Variants in ZFX observed in about 807,000 individuals in gnomAD.
ZFX encodes the protein zinc finger X-chromosomal protein.
For synonymous variants in ZFX, 196 were observed against 226.8 expected, an observed-to-expected ratio of 0.86 and a Z score of 1.22; for missense variants, 362 against 628.3, an observed-to-expected ratio of 0.58 and a Z score of 4.53.
chrX:24,167,052 A>G (rs116716466), intron 3 of ZFX, among the ~76,000 whole-genome samples: 2,230 of 111,950 alleles, frequency 0.02, 52 homozygotes, highest in African/African-American at 0.069. Context: ...GGTGCCCGCA[A>G]TGGTTTTCCT....
chrX:24,174,761 TA>T (rs1934979098), intron 4 of ZFX, among the ~76,000 whole-genome samples: 1 of 110,890 alleles, frequency 9.0e-6, no homozygotes, highest in Non-Finnish European at 1.9e-5. Context: ...TTGCCTGGGC[TA>T]GAGTACGGTG....
At position 24,211,271 on chromosome X, in the gene ZFX, G is replaced by C. The variant is rs150173584; in HGVS notation, c.2313G>C (p.Thr771=). The change falls in exon 10 of 10, where the codon ACG becomes ACC. Residue 771 remains threonine (T), a synonymous_variant. Coordinates refer to ENST00000304543, the MANE Select transcript of ZFX (RefSeq NM_003410.4). The part of the protein sequence containing the change: ...GFKRHVISIH[T]KDYPHRCEYC... Reference sequence around the variant, plus strand: ...AACGGCACGTTATTTCCATTCACACGAAAGACTATCCTCACCGGTGTGAGT... The same window carrying C: ...AACGGCACGTTATTTCCATTCACACCAAAGACTATCCTCACCGGTGTGAGT... 18 of 1,210,508 alleles carry C rather than the reference G, an allele frequency of 1.5e-5. No individual in the cohort carries two copies. The highest frequency in any genetic ancestry group is 4.5e-6 in the Non-Finnish European group (4 of 895,407).
chrX:24,168,889 T>C (rs754513045), intron 3 of ZFX, among the ~76,000 whole-genome samples: 15 of 109,889 alleles, frequency 1.4e-4, no homozygotes, highest in African/African-American at 5.0e-4. Flanking sequence ...GATTCTTGGT[T>C]CTCTGAACCA....
intron 5 of ZFX, among the ~76,000 whole-genome samples, chrX:24,185,205 A>G (rs748033067): frequency 1.8e-5 from 2 of 110,273 alleles, no homozygotes; most frequent in South Asian, 3.9e-4. Context: ...GGCTTAAGCA[A>G]TTTGCCCACT....
chrX:24,161,191 A>G (rs1028784691), intron 3 of ZFX, among the ~76,000 whole-genome samples: 1 of 112,256 alleles, frequency 8.9e-6, no homozygotes, highest in Admixed American at 9.5e-5. Flanking sequence ...CAAGACCTTC[A>G]GTAAAAACCT....
intron 3 of ZFX, among the ~76,000 whole-genome samples, chrX:24,154,965 G>C (rs1932650043): frequency 9.1e-6 from 1 of 110,098 alleles, no homozygotes; most frequent in African/African-American, 3.3e-5. Context: ...AGACACTGGG[G>C]GTCTACTAGA....
chrX:24,175,574 GTT>G (rs11463754), intron 4 of ZFX: 1 of 106,670 alleles, frequency 9.4e-6, no homozygotes, highest in Non-Finnish European at 1.9e-5. Context: ...TTAGATTTTG[GTT>G]TTTTTTTGGT....
chrX:24,156,568 C>T (rs1003798814), intron 3 of ZFX, among the ~76,000 whole-genome samples: 11 of 111,223 alleles, frequency 9.9e-5, no homozygotes, highest in African/African-American at 3.3e-4. Context: ...TATCATATTC[C>T]CACATATGTA....
At chrX:24,176,859 T>C (rs1430414344) in intron 4 of ZFX, among the ~76,000 whole-genome samples, 2 of 112,353 alleles carry the variant, frequency 1.8e-5, no homozygotes, top group Non-Finnish European at 3.8e-5. Context: ...ACTAATCTAC[T>C]GAATAGCTAT....
In ZFX at chrX:24,214,473, G is replaced by A. The variant is rs1204596814; in HGVS notation, c.*3097G>A. ...TTTTCTCAAGGAAAAAAAATGTACA[G>A]TTTTTGTAAACCTAATAAACATCAA... On this transcript the variant is annotated 3_prime_UTR_variant, in exon 10 of 10. Coordinates refer to ENST00000304543, the MANE Select transcript of ZFX (RefSeq NM_003410.4). 8.9e-6 allele frequency: 1 copy of A among 112,463 alleles called. No homozygotes were observed. The highest frequency in any genetic ancestry group is 9.5e-5 in the Admixed American group (1 of 10,577). 9.3% of individuals were successfully genotyped at this position (112,463 alleles called of 1,213,427 possible).
intron 3 of ZFX, among the ~76,000 whole-genome samples, chrX:24,159,024 A>G (rs1182864575): frequency 9.5e-6 from 1 of 105,525 alleles, no homozygotes; most frequent in Non-Finnish European, 2.0e-5. Context: ...TCATTTTGAG[A>G]TGGGGTCTTG....
At position 24,208,326 on chromosome X, in the gene ZFX, A is replaced by T; in HGVS notation, c.1049A>T (p.Asn350Ile). The T allele has an allele frequency of 8.3e-7, 1 of 1,210,756 alleles. No homozygotes were observed. The change falls in exon 8 of 10, where the codon AAT becomes ATT. Residue 350 changes from asparagine (N) to isoleucine (I), a missense_variant. Coordinates refer to ENST00000304543, the MANE Select transcript of ZFX (RefSeq NM_003410.4). Reference sequence around the variant, plus strand: ...GTGCACGAGCAGCAAATGGATGACAATGAAATCAAAACCTTCATGCCGATT... The same window carrying T: ...GTGCACGAGCAGCAAATGGATGACATTGAAATCAAAACCTTCATGCCGATT... ...AAVHEQQMDD[N>I]EIKTFMPIAW...
intron 5 of ZFX, among the ~76,000 whole-genome samples, chrX:24,199,831 C>T (rs754034247): frequency 5.5e-5 from 6 of 109,186 alleles, no homozygotes; most frequent in South Asian, 4.0e-4. Context: ...GCAGGAGAAT[C>T]GCTTGAACCT....
chrX:24,195,381 C>G (rs1936841871), intron 5 of ZFX, among the ~76,000 whole-genome samples: 1 of 102,691 alleles, frequency 9.7e-6, no homozygotes, highest in Admixed American at 1.1e-4. Context: ...GAGATGGAGT[C>G]TCGCTCTGTT....
rs762938498 is a variant in ZFX at position 24,213,809 on chromosome X, A to G, written c.*2433A>G. ...AATCTCCCTTAATTTTTATTTTCCC[A>G]GAAATAATGTAAAAACACTTAAATG... On this transcript the variant is annotated 3_prime_UTR_variant, in exon 10 of 10. Coordinates refer to ENST00000304543, the MANE Select transcript of ZFX (RefSeq NM_003410.4). 4 of 109,593 alleles carry G rather than the reference A, an allele frequency of 3.6e-5. No homozygotes were observed. Among genetic ancestry groups the G allele is most frequent in the South Asian group, 3.9e-4 (1 of 2,578 alleles). The allele number at this position is 109,593 out of a possible 1,213,427, so 9.0% of individuals were successfully genotyped here.
At chrX:24,206,549 GTAT>G (rs1937597778) in intron 5 of ZFX, among the ~76,000 whole-genome samples, 1 of 56,214 alleles carries the variant, frequency 1.8e-5, no homozygotes, top group African/African-American at 8.0e-5. Context: ...GTGTGTGTGT[GTAT>G]TTTTTTTTTT....
intron 2 of ZFX, among the ~76,000 whole-genome samples, 193 bp from the exon 3 acceptor site, chrX:24,152,527 C>T (rs987302169): frequency 1.8e-5 from 2 of 111,195 alleles, no homozygotes; most frequent in Admixed American, 9.6e-5. Flanking sequence ...TCGTGAGCAG[C>T]GGTGCTCCAT....
chrX:24,199,180 G>A (rs1227482909), intron 5 of ZFX, among the ~76,000 whole-genome samples: 1 of 111,357 alleles, frequency 9.0e-6, no homozygotes, highest in Non-Finnish European at 1.9e-5. Context: ...GTCACACGAG[G>A]GCTGAGAATT....
chrX:24,178,045 C>T (rs1935308581), intron 4 of ZFX, among the ~76,000 whole-genome samples: 1 of 107,521 alleles, frequency 9.3e-6, no homozygotes, highest in African/African-American at 3.4e-5. Flanking sequence ...CATTCTCCTG[C>T]CTCAGCCTCC....
Sources: gnomAD v4.1 joint callset for allele counts (sites outside exome capture counted in the v4.1 genomes callset) on GRCh38, gnomAD v4.1.1 for gene constraint, MANE v1.5 for transcripts, NCBI Gene and HGNC (gene_info 2026-07-23, HGNC 2026-07-21) for gene names.